The following NRG1 variants were observed in gnomAD, a reference collection of about 807,000 sequenced individuals.
The protein encoded by NRG1 is pro-neuregulin-1, membrane-bound isoform.
In NRG1, 18 loss-of-function variants were observed where a neutral mutation model predicts 63.8. That is an observed-to-expected ratio of 0.28 (90% CI 0.19 to 0.42). The LOEUF is 0.42. NRG1 is among the 10% of genes least tolerant of loss of function. The pLI, the probability that NRG1 is intolerant of heterozygous loss-of-function variation, is 1.00. For missense variants in NRG1, 762 were observed against 814.7 expected (o/e 0.94, Z 0.79); for synonymous variants, 302 against 301.3 (o/e 1.00, Z -0.02).
chr8:31,678,041 A>T (rs898454877), intron 1 of NRG1, among the ~76,000 whole-genome samples: 3 of 151,608 alleles, frequency 2.0e-5, no homozygotes, highest in African/African-American at 7.3e-5. Flanking sequence ...TTAAAAAAAA[A>T]AAACTACACA....
intron 5 of NRG1, among the ~76,000 whole-genome samples, chr8:32,725,744 G>C (rs965220616): frequency 6.6e-6 from 1 of 151,766 alleles, no homozygotes; most frequent in Non-Finnish European, 1.5e-5. Flanking sequence ...AAAGTGCTGG[G>C]ATTACAGGCG....
At chr8:32,428,312 C>A (rs1056112970) in intron 1 of NRG1, among the ~76,000 whole-genome samples, 28 of 151,662 alleles carry the variant, frequency 1.8e-4, no homozygotes, top group African/African-American at 6.3e-4. Flanking sequence ...TCCATAAAGT[C>A]CTAGTAGCAT....
intron 1 of NRG1, among the ~76,000 whole-genome samples, chr8:32,074,013 A>G (rs1193162931): frequency 2.0e-5 from 3 of 152,208 alleles, no homozygotes; most frequent in African/African-American, 7.2e-5. Context: ...CTAGACAAAG[A>G]CAACCTCTAG....
intron 1 of NRG1, among the ~76,000 whole-genome samples, chr8:32,301,971 G>A (rs551904499): frequency 6.6e-6 from 1 of 152,138 alleles, no homozygotes; most frequent in African/African-American, 2.4e-5. Flanking sequence ...GATGCTGACT[G>A]GGGGGAGTGA....
chr8:31,725,463 T>G (rs1166329995), intron 1 of NRG1, among the ~76,000 whole-genome samples: 1 of 8,970 alleles, frequency 1.1e-4, no homozygotes, highest in African/African-American at 1.2e-4. Context: ...TTGATACAGA[T>G]AGATGTCAGC....
At chr8:32,265,543 T>TA (rs1169350014) in intron 1 of NRG1, among the ~76,000 whole-genome samples, 6 of 152,112 alleles carry the variant, frequency 3.9e-5, no homozygotes, top group African/African-American at 1.4e-4. Context: ...AAAAATACAA[T>TA]AAAAACTAAT....
At chr8:32,559,083 G>GA (rs35947086) in intron 1 of NRG1, among the ~76,000 whole-genome samples, 3,172 of 86,722 alleles carry the variant, frequency 0.037, 111 homozygotes, top group Non-Finnish European at 0.05. Context: ...TTGTCTCAGC[G>GA]AAAAAAAAAA....
chr8:31,724,843 A>T (rs1813269297), intron 1 of NRG1, among the ~76,000 whole-genome samples: 1 of 152,122 alleles, frequency 6.6e-6, no homozygotes, highest in Non-Finnish European at 1.5e-5. Flanking sequence ...AAATTACAGC[A>T]TTCTAGGTCA....
chr8:32,677,517 G>T (rs531897513), intron 5 of NRG1, among the ~76,000 whole-genome samples: 1 of 151,936 alleles, frequency 6.6e-6, no homozygotes, highest in Non-Finnish European at 1.5e-5. Context: ...AATTAGCCAG[G>T]CATGGTGGCA....
At position 31,776,659 on chromosome 8, in the gene NRG1, A is replaced by T. The variant is rs143528267; in HGVS notation, c.37+137228A>T. ...ACCCGTTAACTTGTCATTTAGCATT[A>T]GGTATATCTCCTAATGCTATTCCTC... On this transcript the variant is annotated intron_variant, in intron 1 of 10. Transcript: ENST00000519301. Among the ~76,000 whole-genome samples, 25 of 152,158 alleles carry T rather than the reference A, an allele frequency of 1.6e-4. No homozygotes were observed. In the East Asian group the frequency reaches 4.8e-3, roughly 29 times the overall value.
intron 1 of NRG1, among the ~76,000 whole-genome samples, chr8:31,662,655 C>T (rs1282079373): frequency 6.6e-6 from 1 of 152,140 alleles, no homozygotes; most frequent in Non-Finnish European, 1.5e-5. Flanking sequence ...CCTCATCCTA[C>T]CAACTTAATA....
chr8:31,690,539 G>A (rs1311295056), intron 1 of NRG1, among the ~76,000 whole-genome samples: 1 of 152,158 alleles, frequency 6.6e-6, no homozygotes, highest in Non-Finnish European at 1.5e-5. Flanking sequence ...CCAAGATGTT[G>A]AATACATACT....
intron 1 of NRG1, among the ~76,000 whole-genome samples, chr8:31,785,527 A>G (rs1262283263): frequency 1.3e-5 from 2 of 152,150 alleles, no homozygotes; most frequent in Non-Finnish European, 1.5e-5. Flanking sequence ...CTCTTTATTG[A>G]GATATAGCTT....
chr8:32,595,350 G>A (rs111667402), intron 1 of NRG1, among the ~76,000 whole-genome samples: 3 of 151,816 alleles, frequency 2.0e-5, no homozygotes, highest in East Asian at 1.9e-4. Flanking sequence ...CCACCATGCC[G>A]AGCTAATTTT....
At chr8:32,312,029 C>T (rs1417422300) in intron 1 of NRG1, among the ~76,000 whole-genome samples, 1 of 152,100 alleles carries the variant, frequency 6.6e-6, no homozygotes, top group Non-Finnish European at 1.5e-5. Context: ...GGAACTGTCC[C>T]ACGGCAAGAC....
intron 5 of NRG1, among the ~76,000 whole-genome samples, chr8:32,650,901 A>G (rs1408198831): frequency 6.6e-6 from 1 of 151,944 alleles, no homozygotes; most frequent in South Asian, 2.1e-4. Flanking sequence ...TCAGCACATT[A>G]TGCACAGAGC....
chr8:32,695,314 A>G (rs1256008029), intron 5 of NRG1, among the ~76,000 whole-genome samples: 1 of 151,876 alleles, frequency 6.6e-6, no homozygotes, highest in African/African-American at 2.4e-5. Context: ...GCACTCCAGC[A>G]TGGGTGACAG....
At chr8:32,061,527 A>T (rs1401944322) in intron 1 of NRG1, among the ~76,000 whole-genome samples, 1 of 151,942 alleles carries the variant, frequency 6.6e-6, no homozygotes, top group African/African-American at 2.4e-5. Context: ...TGATCTGTAA[A>T]ATATATATAC....
intron 1 of NRG1, among the ~76,000 whole-genome samples, chr8:31,840,216 A>G (rs1826059112): frequency 6.6e-6 from 1 of 152,290 alleles, no homozygotes; most frequent in South Asian, 2.1e-4. Flanking sequence ...TGCAAATTCA[A>G]TGACAAAGCC....
Sources: gnomAD v4.1 joint callset for allele counts (sites outside exome capture counted in the v4.1 genomes callset) on GRCh38, gnomAD v4.1.1 for gene constraint, MANE v1.5 for transcripts, NCBI Gene and HGNC (gene_info 2026-07-23, HGNC 2026-07-21) for gene names.